MARCHF1: variants seen among roughly 807,000 people sequenced by gnomAD.
MARCHF1 encodes membrane associated ring-CH-type finger 1.
Under a neutral mutation model 54.2 loss-of-function variants are expected in MARCHF1, and 40 were observed. The observed-to-expected ratio is 0.74, with a 90% CI of 0.57 to 0.96. The LOEUF (loss-of-function observed/expected upper bound fraction) is 0.96. Ranked by LOEUF, MARCHF1 falls within the 40% of genes least tolerant of loss-of-function variation. MARCHF1 has a pLI of 0.00. For missense variants in MARCHF1, 586 were observed against 656.5 expected, an observed-to-expected ratio of 0.89 and a Z score of 1.17; for synonymous variants, 236 against 236.3, an observed-to-expected ratio of 1.00 and a Z score of 0.01.
At chr4:164,215,594 G>C (rs1731907056) in intron 1 of MARCHF1, among the ~76,000 whole-genome samples, 1 of 152,122 alleles carries the variant, frequency 6.6e-6, no homozygotes, top group African/African-American at 2.4e-5. Flanking sequence ...CATTTAAAGG[G>C]ACCATGCCCT....
At position 164,030,743 on chromosome 4, in the gene MARCHF1, CAT is replaced by C. The variant is rs539885497; in HGVS notation, c.-247-42036_-247-42035del. The stretch of plus-strand genomic sequence containing the variant: ...GGAATAACACAATATCACACATAAA[CAT>C]GTGTGGCATAAATAACTTCAACATA... On this transcript the variant is annotated intron_variant, in intron 2 of 9. Coordinates refer to ENST00000514618, the MANE Select transcript of MARCHF1 (RefSeq NM_001394959.1). 6.6e-5 allele frequency among the ~76,000 whole-genome samples: 10 copies of C among 152,264 alleles called. No individual in the cohort carries two copies. In the East Asian group the frequency reaches 9.6e-4, roughly 15 times the overall value.
chr4:164,021,726 G>A (rs1041130168), intron 2 of MARCHF1, among the ~76,000 whole-genome samples: 29 of 151,776 alleles, frequency 1.9e-4, no homozygotes, highest in African/African-American at 4.6e-4. Flanking sequence ...GCTTAGTGGC[G>A]GATGCCTGCA....
At chr4:164,045,756 G>T (rs1754230380) in intron 2 of MARCHF1, among the ~76,000 whole-genome samples, 1 of 149,500 alleles carries the variant, frequency 6.7e-6, no homozygotes, top group African/African-American at 2.4e-5. Flanking sequence ...TCCTCCTCCT[G>T]ATTTTCTTCT....
At chr4:164,140,397 T>C (rs948804364) in intron 1 of MARCHF1, among the ~76,000 whole-genome samples, 2 of 152,182 alleles carry the variant, frequency 1.3e-5, no homozygotes. Flanking sequence ...AACCAACCAA[T>C]AGGCCTCCCA....
At chr4:163,669,437 T>C (rs1743652436) in intron 5 of MARCHF1, among the ~76,000 whole-genome samples, 5 of 152,122 alleles carry the variant, frequency 3.3e-5, no homozygotes, top group Non-Finnish European at 7.3e-5. Context: ...CTGCTAACAC[T>C]TAATCCTTGG....
intron 4 of MARCHF1, among the ~76,000 whole-genome samples, chr4:163,848,683 C>T (rs1014133479): frequency 6.6e-6 from 1 of 151,908 alleles, no homozygotes; most frequent in Admixed American, 6.6e-5. Flanking sequence ...GAGGTTTCTC[C>T]CCTGGCTGTC....
At position 163,700,880 on chromosome 4, in the gene MARCHF1, G is replaced by A. The variant is rs541139873; in HGVS notation, c.112-17C>T. 1.1e-5 allele frequency: 17 copies of A among 1,524,054 alleles called. No homozygotes were observed. The African/African-American group carries it at 1.8e-4, about 16-fold the overall frequency. 94.4% of individuals were successfully genotyped at this position (1,524,054 alleles called of 1,614,324 possible). A position where few individuals can be genotyped will look rare whatever the true frequency, so the allele number is the denominator to read the frequency against. ...TTTTTCATTCTGAAAAATAAAATGG[G>A]AAACATTAATTAAAAGAAGGTATGG... On this transcript the variant is annotated splice_polypyrimidine_tract_variant and intron_variant, in intron 4 of 9. Coordinates refer to ENST00000514618, the MANE Select transcript of MARCHF1 (RefSeq NM_001394959.1).
chr4:163,805,379 A>G (rs536367135), intron 4 of MARCHF1, among the ~76,000 whole-genome samples: 3 of 152,140 alleles, frequency 2.0e-5, no homozygotes, highest in African/African-American at 7.2e-5. Flanking sequence ...CTAAAAAAAA[A>G]ACATTCAACA....
At chr4:164,197,078 C>T (rs762767430) in intron 1 of MARCHF1, 2 of 1,606,646 alleles carry the variant, frequency 1.2e-6, no homozygotes, top group South Asian at 2.2e-5. Context: ...ACCTCTCCAT[C>T]GTTATAACCT....
chr4:164,204,384 C>T (rs1054351403), intron 1 of MARCHF1, among the ~76,000 whole-genome samples: 14 of 152,252 alleles, frequency 9.2e-5, no homozygotes, highest in East Asian at 3.9e-4. Flanking sequence ...ATTTTGGACA[C>T]GTACCTCCAC....
At chr4:164,014,847 A>G (rs1361615782) in intron 2 of MARCHF1, among the ~76,000 whole-genome samples, 1 of 152,208 alleles carries the variant, frequency 6.6e-6, no homozygotes, top group Non-Finnish European at 1.5e-5. Flanking sequence ...ATAAATATAC[A>G]TGTATCCAAT....
chr4:163,636,669 C>T (rs1055691511), intron 5 of MARCHF1, among the ~76,000 whole-genome samples: 2 of 151,848 alleles, frequency 1.3e-5, no homozygotes, highest in African/African-American at 4.8e-5. Context: ...GGCCATACTG[C>T]CCAAGGTAAT....
chr4:163,682,489 C>G (rs952087781), intron 5 of MARCHF1, among the ~76,000 whole-genome samples: 1 of 152,188 alleles, frequency 6.6e-6, no homozygotes, highest in Non-Finnish European at 1.5e-5. Flanking sequence ...TTTAGTGCCG[C>G]GGGCCCAGGG....
In MARCHF1 at chr4:163,669,405, T is replaced by C. The variant is rs546174868; in HGVS notation, c.162+31408A>G. ...TTTGAAATTTGAAATGATCTGCAGG[T>C]GACGTGAAGCACCACTACTTCCTGC... On this transcript the variant is annotated intron_variant, in intron 5 of 9. Transcript: ENST00000514618. Among the ~76,000 whole-genome samples, 16 of 152,220 alleles carry C rather than the reference T, an allele frequency of 1.1e-4. 1 individual carries two copies. In the East Asian group the frequency reaches 2.9e-3, roughly 28 times the overall value.
chr4:164,116,969 T>C (rs574635831), intron 1 of MARCHF1, among the ~76,000 whole-genome samples: 1 of 152,154 alleles, frequency 6.6e-6, no homozygotes, highest in East Asian at 1.9e-4. Context: ...TTTTAAATAA[T>C]AGAATAGGCT....
rs999694977 is a variant in MARCHF1 at position 163,880,916 on chromosome 4, C to G, written c.-38-26747G>C. Among the ~76,000 whole-genome samples the G allele has an allele frequency of 2.0e-5, 3 of 152,018 alleles. No individual in the cohort carries two copies. In the East Asian group the frequency reaches 5.8e-4, roughly 29 times the overall value. On this transcript the variant is annotated intron_variant, in intron 3 of 9. Transcript: ENST00000514618. ...ACCTGAACTCCTGCCTCAGGGATTG[C>G]GTTCATACCCATGTCAGTTGAGTAC...
At chr4:164,175,217 C>T (rs1054359199) in intron 1 of MARCHF1, among the ~76,000 whole-genome samples, 1 of 151,994 alleles carries the variant, frequency 6.6e-6, no homozygotes, top group Admixed American at 6.5e-5. Context: ...TAATTCACTG[C>T]AATTATGACT....
chr4:164,252,282 C>T (rs991417875), intron 1 of MARCHF1, among the ~76,000 whole-genome samples: 7 of 152,136 alleles, frequency 4.6e-5, no homozygotes, highest in Non-Finnish European at 7.4e-5. Context: ...ATAGGTAGAA[C>T]AGATATTTTT....
chr4:163,603,667 G>C (rs1429084938), intron 7 of MARCHF1, among the ~76,000 whole-genome samples: 1 of 152,002 alleles, frequency 6.6e-6, no homozygotes, highest in Non-Finnish European at 1.5e-5. Flanking sequence ...CCCTTACTCT[G>C]AACAGATGAC....
Sources: gnomAD v4.1 joint callset for allele counts (sites outside exome capture counted in the v4.1 genomes callset) on GRCh38, gnomAD v4.1.1 for gene constraint, MANE v1.5 for transcripts, NCBI Gene and HGNC (gene_info 2026-07-23, HGNC 2026-07-21) for gene names.